CCSER2: variants seen among roughly 807,000 people sequenced by gnomAD.
The protein encoded by CCSER2 is coiled-coil serine rich protein 2, also known as serine-rich coiled-coil domain-containing protein 2.
Under a neutral mutation model 92.3 loss-of-function variants are expected in CCSER2, and 46 were observed. That is an observed-to-expected ratio of 0.50 (90% CI 0.39 to 0.64). The LOEUF (loss-of-function observed/expected upper bound fraction) is 0.64. Among genes scored for constraint, CCSER2 ranks in the 30% least tolerant of loss-of-function variants. The pLI is 0.00. For synonymous variants in CCSER2, 433 were observed against 431.4 expected (o/e 1.00, Z -0.04); for missense variants, 1,244 against 1,238.9 (o/e 1.00, Z -0.06).
intron 3 of CCSER2, among the ~76,000 whole-genome samples, chr10:84,396,291 A>G (rs1841833277): frequency 6.6e-6 from 1 of 150,496 alleles, no homozygotes; most frequent in African/African-American, 2.4e-5. Flanking sequence ...TACCATAACT[A>G]TACTATATTT....
rs1345479761 is a variant in CCSER2, at chr10:84,371,437, A to G, written c.385A>G (p.Thr129Ala). 2 of 1,613,720 alleles carry G rather than the reference A, an allele frequency of 1.2e-6. No individual in the cohort carries two copies. Among genetic ancestry groups the G allele is most frequent in the Admixed American group, 1.7e-5 (1 of 59,942 alleles). Reference sequence around the variant, plus strand: ...CACATCAAAGTTAGCAAAGCCATCCACTATGTTTGTGTCATCTACAGAGGA... The same window carrying G: ...CACATCAAAGTTAGCAAAGCCATCCGCTATGTTTGTGTCATCTACAGAGGA... Reference protein sequence around the residue: ...LFTSKLAKPSTMFVSSTEELN... With the variant: ...LFTSKLAKPSAMFVSSTEELN... Residue 129 changes from threonine (T) to alanine (A), a missense_variant, in exon 2 of 10, where the codon ACT becomes GCT. Coordinates refer to ENST00000372088, the MANE Select transcript of CCSER2 (RefSeq NM_001284240.2).
intron 3 of CCSER2, among the ~76,000 whole-genome samples, chr10:84,380,045 T>C (rs552455406): frequency 6.6e-5 from 10 of 152,254 alleles, no homozygotes; most frequent in African/African-American, 2.2e-4. Context: ...AGGAATAGTG[T>C]ATTTTCAACT....
chr10:84,471,266 AAG>A (rs1400173950), intron 8 of CCSER2, among the ~76,000 whole-genome samples: 3 of 152,138 alleles, frequency 2.0e-5, no homozygotes, highest in Admixed American at 6.5e-5. Flanking sequence ...TAAAGGAACA[AAG>A]AAAATTTATG....
intron 3 of CCSER2, among the ~76,000 whole-genome samples, chr10:84,384,572 C>G (rs1841086244): frequency 6.6e-6 from 1 of 152,100 alleles, no homozygotes; most frequent in Admixed American, 6.5e-5. Context: ...AATACAGCAT[C>G]CCTTCATGAT....
intron 6 of CCSER2, among the ~76,000 whole-genome samples, chr10:84,451,360 A>C (rs1845281225): frequency 6.6e-6 from 1 of 151,078 alleles, no homozygotes. Flanking sequence ...AAAGTACTGC[A>C]GCCTCAAACT....
At chr10:84,477,005 A>G (rs1262802324) in intron 8 of CCSER2, among the ~76,000 whole-genome samples, 2 of 152,200 alleles carry the variant, frequency 1.3e-5, no homozygotes, top group Non-Finnish European at 2.9e-5. Flanking sequence ...GACTGGTGGT[A>G]TTCAATGTCC....
At chr10:84,436,393 T>C (rs1194346712) in intron 5 of CCSER2, among the ~76,000 whole-genome samples, 4 of 140,108 alleles carry the variant, frequency 2.9e-5, no homozygotes, top group African/African-American at 5.4e-5. Context: ...CCCAGCACTT[T>C]GGGAGGCCGA....
At chr10:84,393,973 A>T (rs1428290065) in intron 3 of CCSER2, 1 of 152,234 alleles carries the variant, frequency 6.6e-6, no homozygotes, top group East Asian at 1.9e-4. Context: ...ACAAAATTTG[A>T]ACGAATAGAA....
At chr10:84,444,326 T>C (rs1247219136) in intron 6 of CCSER2, among the ~76,000 whole-genome samples, 3 of 152,196 alleles carry the variant, frequency 2.0e-5, no homozygotes, top group Non-Finnish European at 4.4e-5. Flanking sequence ...AAGGGATATG[T>C]AGAAAATGAA....
chr10:84,513,763 C>T lies in CCSER2; in HGVS notation c.2640C>T (p.Asp880=), dbSNP rs1158927975. 2.6e-6 allele frequency: 4 copies of T among 1,536,922 alleles called. No homozygotes were observed. The highest frequency in any genetic ancestry group is 2.6e-6 in the Non-Finnish European group (3 of 1,146,948). Residue 880 remains aspartate, a synonymous_variant, in exon 10 of 10, where the codon GAC becomes GAT. Transcript: ENST00000372088. Reference sequence around the variant, plus strand: ...ATTTGGCAAACAATCAAATTAGTGACATGCAGTTTATACCCACTTCTCTTC... The same window carrying T: ...ATTTGGCAAACAATCAAATTAGTGATATGCAGTTTATACCCACTTCTCTTC... ...PYHLANNQIS[D]MQFIPTSLQT...
At chr10:84,499,956 C>G in intron 9 of CCSER2, 3 of 1,613,988 alleles carry the variant, frequency 1.9e-6, no homozygotes, top group South Asian at 1.1e-5. Flanking sequence ...GCACCGCAGA[C>G]AGAGTGAGTC....
intron 6 of CCSER2, among the ~76,000 whole-genome samples, chr10:84,457,364 TTTTAAATATATATTTTAAATATATATTTA>T (rs1208552623): frequency 6.4e-5 from 5 of 77,712 alleles, no homozygotes; most frequent in Admixed American, 4.0e-4. Context: ...TATATATTTA[TTTTAAATATATATTTTAAATATATATTTA>T]TTTAAATATA....
rs1480686613 is a variant in CCSER2 at position 84,372,035 on chromosome 10, C to G, written c.983C>G (p.Ser328Cys). 6.2e-7 allele frequency: 1 copy of G among 1,613,730 alleles called. No homozygotes were observed. Among genetic ancestry groups the G allele is most frequent in the Non-Finnish European group, 8.5e-7 (1 of 1,179,844 alleles). The change falls in exon 2 of 10, where the codon TCT becomes TGT. Residue 328 changes from serine to cysteine, a missense_variant. Transcript: ENST00000372088. ...CCCTCTCTACTGAAATCTAGCCGAT[C>G]TCCATTTTCTGGGACTATGACAGTT... The part of the protein sequence containing the change: ...VHPSLLKSSR[S>C]PFSGTMTVDG...
At position 84,371,306 on chromosome 10, in the gene CCSER2, C is replaced by G. The variant is rs957790452; in HGVS notation, c.254C>G (p.Thr85Ser). The change falls in exon 2 of 10, where the codon ACT becomes AGT. Residue 85 changes from threonine (T) to serine (S), a missense_variant. By Grantham distance (58) the Thr-to-Ser change is moderately conservative. Coordinates refer to ENST00000372088, the MANE Select transcript of CCSER2 (RefSeq NM_001284240.2). ...CAQGVEEPNN[T>S]QNSHDKIIDP... Reference sequence around the variant, plus strand: ...CAAGGTGTCGAAGAGCCTAACAATACTCAAAATTCACATGATAAAATAATT... The same window carrying G: ...CAAGGTGTCGAAGAGCCTAACAATAGTCAAAATTCACATGATAAAATAATT... 23 of 1,613,570 alleles carry G rather than the reference C, an allele frequency of 1.4e-5. No individual in the cohort carries two copies. The East Asian group carries it at 5.1e-4, about 36-fold the overall frequency.
Position 84,328,643 on chromosome 10 carries a change from C to G in CCSER2, c.-205C>G, listed in dbSNP as rs973924146. 4 of 150,848 alleles carry G rather than the reference C, an allele frequency of 2.7e-5. No homozygotes were observed. The highest frequency in any genetic ancestry group is 5.9e-5 in the Non-Finnish European group (4 of 67,676). 9.3% of individuals were successfully genotyped at this position (150,848 alleles called of 1,614,324 possible). A position where few individuals can be genotyped will look rare whatever the true frequency, so the allele number is the denominator to read the frequency against. On this transcript the variant is annotated 5_prime_UTR_variant, in exon 1 of 10. Transcript: ENST00000372088. ...GGGGCGCGGCGGCTTTGGAGTCCGG[C>G]GCTCCCTCAGGCCGCGGACGCGATG...
chr10:84,408,466 G>A (rs768653486), intron 3 of CCSER2, among the ~76,000 whole-genome samples: 1 of 148,490 alleles, frequency 6.7e-6, no homozygotes, highest in Non-Finnish European at 1.5e-5. Flanking sequence ...CTTTCCTTCC[G>A]TGTTCCTCTT....
intron 6 of CCSER2, among the ~76,000 whole-genome samples, chr10:84,457,333 T>C (rs1393130728): frequency 8.5e-5 from 4 of 47,328 alleles, no homozygotes; most frequent in African/African-American, 1.8e-4. Flanking sequence ...ATATATAATA[T>C]ATTATATATT....
chr10:84,481,602 A>G (rs1847460685), intron 9 of CCSER2, among the ~76,000 whole-genome samples: 1 of 152,172 alleles, frequency 6.6e-6, no homozygotes, highest in South Asian at 2.1e-4. Context: ...CTCTTCATTT[A>G]GGGCAAGACA....
At chr10:84,471,444 G>A (rs1215607742) in intron 8 of CCSER2, among the ~76,000 whole-genome samples, 2 of 151,934 alleles carry the variant, frequency 1.3e-5, no homozygotes, top group Admixed American at 1.3e-4. Flanking sequence ...TGTAAGCTTC[G>A]ATTTTTACAA....
Sources: allele counts gnomAD v4.1 joint callset (sites outside exome capture counted in the v4.1 genomes callset), GRCh38; gene constraint gnomAD v4.1.1; transcripts MANE v1.5; gene names NCBI Gene and HGNC (gene_info 2026-07-23, HGNC 2026-07-21).